The following DSG1 variants were observed in gnomAD, a reference collection of about 807,000 sequenced individuals.
The protein encoded by DSG1 is desmoglein-1.
A neutral mutation model predicts 97.5 loss-of-function variants in DSG1; 39 were observed. The ratio of observed to expected loss-of-function variants is 0.40; its 90% CI spans 0.31 to 0.52. The LOEUF is 0.52. Ranked by LOEUF, DSG1 falls within the 20% of genes least tolerant of loss-of-function variation. DSG1 has a pLI of 0.53. For synonymous variants in DSG1, 475 were observed against 443.4 expected, an observed-to-expected ratio of 1.07 and a Z score of -0.90; for missense variants, 1,311 against 1,295.4, an observed-to-expected ratio of 1.01 and a Z score of -0.18.
At chr18:31,347,620 C>A (rs571001276) in intron 14 of DSG1, 69 of 152,270 alleles carry the variant, frequency 4.5e-4, no homozygotes, top group African/African-American at 1.6e-3. Flanking sequence ...GTTTACAATC[C>A]ACTATTACGA....
intron 14 of DSG1, 31 bp downstream of exon 14, chr18:31,346,229 C>T (rs1218092144): frequency 7.7e-6 from 12 of 1,551,716 alleles, no homozygotes; most frequent in South Asian, 1.1e-5. Flanking sequence ...CCTTTCTCGC[C>T]ATCCATGTGC....
intron 14 of DSG1, among the ~76,000 whole-genome samples, chr18:31,352,710 T>G (rs1326281577): frequency 3.3e-5 from 5 of 149,612 alleles, no homozygotes; most frequent in Non-Finnish European, 1.5e-5. Flanking sequence ...CTCGCTTCAT[T>G]TCATTCATTT....
At chr18:31,344,856 A>G (rs896691941) in intron 13 of DSG1, among the ~76,000 whole-genome samples, 4 of 152,224 alleles carry the variant, frequency 2.6e-5, no homozygotes, top group African/African-American at 7.2e-5. Flanking sequence ...TATTTTTCTC[A>G]TAGTCTTTTT....
At chr18:31,327,929 C>T (rs1477140777) in intron 3 of DSG1, among the ~76,000 whole-genome samples, 1 of 152,082 alleles carries the variant, frequency 6.6e-6, no homozygotes, top group African/African-American at 2.4e-5. Context: ...ATTGCATAGA[C>T]TTAGATATAG....
intron 6 of DSG1, 74 bp from the exon 7 acceptor site, chr18:31,333,515 C>CA: frequency 1.2e-6 from 2 of 1,600,718 alleles, no homozygotes; most frequent in Non-Finnish European, 8.6e-7. Flanking sequence ...GCCAACTTTT[C>CA]AAAGAACTTT....
In DSG1 at chr18:31,356,959, A is replaced by G. The variant is rs1489935613; in HGVS notation, c.*1613A>G. The G allele has an allele frequency of 6.6e-6, 1 of 152,184 alleles. No individual in the cohort carries two copies. The highest frequency in any genetic ancestry group is 6.5e-5 in the Admixed American group (1 of 15,282). 9.4% of individuals were successfully genotyped at this position (152,184 alleles called of 1,614,324 possible). A position where few individuals can be genotyped will look rare whatever the true frequency, so the allele number is the denominator to read the frequency against. ...CAGAAATTTTTTCTTTCTTAAATAC[A>G]ATGTTACTATAAGCTCACTAAAATG... On this transcript the variant is annotated 3_prime_UTR_variant, in exon 15 of 15. Transcript: ENST00000257192.
At chr18:31,331,621 A>G in intron 5 of DSG1, 80 bp from the exon 6 acceptor site, 2 of 1,352,742 alleles carry the variant, frequency 1.5e-6, no homozygotes, top group Non-Finnish European at 2.1e-6. Context: ...TAACTCTAAC[A>G]CTTTTTTGGA....
rs2071631758 is a variant in DSG1, at chr18:31,318,203, T to C, written c.-98T>C. ...GCATGTAAGAACATCTACTGAGAAA[T>C]TATTTTAATCAGACACCAGCTGAGT... On this transcript the variant is annotated 5_prime_UTR_variant, in exon 1 of 15. Transcript: ENST00000257192. The C allele has an allele frequency of 2.8e-6, 3 of 1,085,922 alleles. No individual in the cohort carries two copies. Among genetic ancestry groups the C allele is most frequent in the Non-Finnish European group, 4.3e-6 (3 of 699,894 alleles). 67.3% of individuals were successfully genotyped at this position (1,085,922 alleles called of 1,614,324 possible). A position where few individuals can be genotyped will look rare whatever the true frequency, so the allele number is the denominator to read the frequency against.
intron 3 of DSG1, 26 bp from the exon 4 acceptor site, chr18:31,328,163 T>C: frequency 6.2e-7 from 1 of 1,612,540 alleles, no homozygotes; most frequent in African/African-American, 1.3e-5. Context: ...CTCCCTCTAA[T>C]ATTTTTACTT....
At chr18:31,319,051 A>G (rs2071637544) in intron 1 of DSG1, among the ~76,000 whole-genome samples, 1 of 152,216 alleles carries the variant, frequency 6.6e-6, no homozygotes, top group Non-Finnish European at 1.5e-5. Context: ...AATGTCAGTG[A>G]TGACTGCGAT....
intron 1 of DSG1, among the ~76,000 whole-genome samples, chr18:31,319,736 A>T (rs2071641816): frequency 6.6e-6 from 1 of 152,198 alleles, no homozygotes. Context: ...ACTTTCATAG[A>T]ATCTCTAAGA....
In DSG1 at chr18:31,355,448, G is replaced by C; in HGVS notation, c.*102G>C. On this transcript the variant is annotated 3_prime_UTR_variant, in exon 15 of 15. Transcript: ENST00000257192. Reference sequence around the variant, plus strand: ...TTTATAACGCACAACTTCGTGCTCAGGTCATCTAGGAGCAAGGTGAGAAAT... The same window carrying C: ...TTTATAACGCACAACTTCGTGCTCACGTCATCTAGGAGCAAGGTGAGAAAT... 1 of 1,163,452 alleles carries C rather than the reference G, an allele frequency of 8.6e-7. No individual in the cohort carries two copies. The allele number at this position is 1,163,452 out of a possible 1,614,324, so 72.1% of individuals were successfully genotyped here. A position where few individuals can be genotyped will look rare whatever the true frequency, so the allele number is the denominator to read the frequency against.
chr18:31,328,428 T>C (rs2071700121), intron 4 of DSG1, 84 bp downstream of exon 4: 1 of 1,404,408 alleles, frequency 7.1e-7, no homozygotes. Flanking sequence ...TTAATTTGAT[T>C]TCAAGAGTCT....
intron 6 of DSG1, among the ~76,000 whole-genome samples, chr18:31,333,339 C>G (rs2071731926): frequency 6.6e-6 from 1 of 152,104 alleles, no homozygotes; most frequent in Non-Finnish European, 1.5e-5. Context: ...TAAACTTTTT[C>G]AACCTCTGGA....
chr18:31,345,372 A>C (rs1030706657), intron 13 of DSG1: 3 of 152,198 alleles, frequency 2.0e-5, no homozygotes, highest in Non-Finnish European at 2.9e-5. Context: ...AAAAAGATGA[A>C]ACACTTGACC....
chr18:31,344,493 A>G (rs1299164068), intron 13 of DSG1, among the ~76,000 whole-genome samples: 1 of 152,228 alleles, frequency 6.6e-6, no homozygotes, highest in Non-Finnish European at 1.5e-5. Context: ...AAAGAAAAAA[A>G]CTGCATCCAT....
At chr18:31,324,203 C>T (rs2071671600) in intron 1 of DSG1, among the ~76,000 whole-genome samples, 1 of 151,568 alleles carries the variant, frequency 6.6e-6, no homozygotes, top group African/African-American at 2.4e-5. Context: ...AGGATGTTCT[C>T]AGTCTCCTGA....
In DSG1 at chr18:31,318,258, A is replaced by T. The variant is rs1161293788; in HGVS notation, c.-43A>T. 2.5e-6 allele frequency: 4 copies of T among 1,576,716 alleles called. No homozygotes were observed. Among genetic ancestry groups the T allele is most frequent in the Non-Finnish European group, 3.5e-6 (4 of 1,146,008 alleles). On this transcript the variant is annotated 5_prime_UTR_variant, in exon 1 of 15. Transcript: ENST00000257192. The stretch of plus-strand genomic sequence containing the variant: ...GAAAGAAAAAGAACAGAGAAGAACA[A>T]ACAAAACTCCCTTGGTCTTGGATGT...
intron 14 of DSG1, among the ~76,000 whole-genome samples, chr18:31,348,932 G>T (rs1240031280): frequency 1.6e-4 from 14 of 87,290 alleles, no homozygotes; most frequent in East Asian, 9.3e-4. Flanking sequence ...TCACTCTGAT[G>T]GTAGTTTCTT....
Sources: gnomAD v4.1 joint callset for allele counts (sites outside exome capture counted in the v4.1 genomes callset) on GRCh38, gnomAD v4.1.1 for gene constraint, MANE v1.5 for transcripts, NCBI Gene and HGNC (gene_info 2026-07-23, HGNC 2026-07-21) for gene names.